Variants in BIRC3 observed in about 807,000 individuals in gnomAD.
The protein encoded by BIRC3 is baculoviral IAP repeat containing 3.
In BIRC3, 26 loss-of-function variants were observed where a neutral mutation model predicts 59.0. That is an observed-to-expected ratio of 0.44 (90% CI 0.32 to 0.61). The LOEUF (loss-of-function observed/expected upper bound fraction) is 0.61. BIRC3 is among the 20% of genes least tolerant of loss of function. The pLI is 0.04. For missense variants in BIRC3, 641 were observed against 711.5 expected (o/e 0.90, Z 1.13); for synonymous variants, 243 against 249.2 (o/e 0.98, Z 0.24).
rs967785981 is a variant in BIRC3 at position 102,337,673 on chromosome 11, A to G, written c.*571A>G. 6.5e-6 allele frequency: 2 copies of G among 305,526 alleles called. No homozygotes were observed. The highest frequency in any genetic ancestry group is 1.6e-4 in the South Asian group (1 of 6,132). The allele number at this position is 305,526 out of a possible 1,614,324, so 18.9% of individuals were successfully genotyped here. Reference sequence around the variant, plus strand: ...ATATGTTGAATGACATTTTAGGGACATGGTGTTTTTATAAAGAATTCTGTG... The same window carrying G: ...ATATGTTGAATGACATTTTAGGGACGTGGTGTTTTTATAAAGAATTCTGTG... On this transcript the variant is annotated 3_prime_UTR_variant, in exon 9 of 9. Transcript: ENST00000263464.
chr11:102,328,476 A>G (rs1190755143), intron 4 of BIRC3, among the ~76,000 whole-genome samples: 1 of 152,106 alleles, frequency 6.6e-6, no homozygotes, highest in Admixed American at 6.5e-5. Flanking sequence ...TAACCTTGAG[A>G]AAGCAAATAA....
At chr11:102,318,975 T>C (rs1951002357) in intron 1 of BIRC3, among the ~76,000 whole-genome samples, 1 of 152,118 alleles carries the variant, frequency 6.6e-6, no homozygotes, top group Admixed American at 6.6e-5. Context: ...CATGTCCAGT[T>C]TGCTTGGCTG....
chr11:102,335,333 C>A (rs1951184241), intron 6 of BIRC3, among the ~76,000 whole-genome samples: 1 of 152,170 alleles, frequency 6.6e-6, no homozygotes, highest in South Asian at 2.1e-4. Context: ...TGTCTTTCCC[C>A]AATTTGACTA....
At chr11:102,326,654 A>T (rs1272512784) in intron 3 of BIRC3, 2 of 450,134 alleles carry the variant, frequency 4.4e-6, no homozygotes, top group Non-Finnish European at 8.9e-6. Flanking sequence ...TCTAAATGGG[A>T]AATGGGTTAA....
chr11:102,332,169 C>T (rs571738736), intron 6 of BIRC3, among the ~76,000 whole-genome samples: 13 of 152,300 alleles, frequency 8.5e-5, no homozygotes, highest in South Asian at 2.1e-4. Context: ...TATTGCCCTT[C>T]ACAAAAACTC....
intron 6 of BIRC3, among the ~76,000 whole-genome samples, chr11:102,335,629 A>G (rs1951187514): frequency 6.6e-6 from 1 of 152,134 alleles, no homozygotes. Context: ...AGTCCTTACT[A>G]TAAGTAGCAT....
intron 3 of BIRC3, among the ~76,000 whole-genome samples, chr11:102,327,275 T>C (rs1951092995): frequency 6.6e-6 from 1 of 152,204 alleles, no homozygotes. Flanking sequence ...TTATACTCAC[T>C]TGAAATAGCC....
chr11:102,336,828 T>G, intron 8 of BIRC3, 27 bp downstream of exon 8: 1 of 1,593,724 alleles, frequency 6.3e-7, no homozygotes, highest in Non-Finnish European at 8.5e-7. Flanking sequence ...TTTAAATCAA[T>G]AGAGAACATT....
chr11:102,318,400 T>C lies in BIRC3; in HGVS notation c.-2674+829T>C, dbSNP rs552479561. Reference sequence around the variant, plus strand: ...ACTGAGCTGACTCTGTGGTCATTAATATAAAATTGATAGAAGTACTGTGGT... The same window carrying C: ...ACTGAGCTGACTCTGTGGTCATTAACATAAAATTGATAGAAGTACTGTGGT... On this transcript the variant is annotated intron_variant, in intron 1 of 8. Coordinates refer to ENST00000263464, the MANE Select transcript of BIRC3 (RefSeq NM_001165.5). 4.2e-4 allele frequency among the ~76,000 whole-genome samples: 64 copies of C among 152,338 alleles called. 1 individual carries two copies. The highest frequency in any genetic ancestry group is 3.5e-3 in the Admixed American group (54 of 15,304).
rs753770214 is a variant in BIRC3, at chr11:102,331,283, G to T, written c.1324+42G>T. The stretch of plus-strand genomic sequence containing the variant: ...ATACAGTCTATTTTCATAAGGATTT[G>T]ATATCAGTCTATATGTTATGAAAAA... On this transcript the variant is annotated intron_variant, in intron 6 of 8. Coordinates refer to ENST00000263464, the MANE Select transcript of BIRC3 (RefSeq NM_001165.5). 3.9e-6 allele frequency: 6 copies of T among 1,552,228 alleles called. No individual in the cohort carries two copies. In the Admixed American group the frequency reaches 5.9e-5, roughly 15 times the overall value.
intron 6 of BIRC3, among the ~76,000 whole-genome samples, chr11:102,332,230 T>C (rs1251396594): frequency 6.6e-6 from 1 of 152,242 alleles, no homozygotes; most frequent in African/African-American, 2.4e-5. Context: ...ATCATCATTC[T>C]GTCCTAGACA....
intron 1 of BIRC3, 102 bp from the exon 2 acceptor site, chr11:102,321,735 C>T (rs1289844822): frequency 1.8e-5 from 3 of 167,062 alleles, no homozygotes. Flanking sequence ...TCAGTAATTA[C>T]TAGTACTCTA....
Position 102,328,143 on chromosome 11 carries a change from C to T in BIRC3, c.1032+13C>T. On this transcript the variant is annotated intron_variant, in intron 4 of 8. Transcript: ENST00000263464. ...TCTACTTGAACAGGTAGGGCAAGTT[C>T]TTTTTTTAAATATTGGTTGCCATCA... 2 of 1,599,726 alleles carry T rather than the reference C, an allele frequency of 1.3e-6. No individual in the cohort carries two copies. The highest frequency in any genetic ancestry group is 1.7e-6 in the Non-Finnish European group (2 of 1,173,310).
intron 4 of BIRC3, 60 bp from the exon 5 acceptor site, chr11:102,328,837 A>T: frequency 3.0e-6 from 2 of 676,714 alleles, no homozygotes; most frequent in Non-Finnish European, 4.0e-6. Context: ...GCAATGGGTA[A>T]GATAAGATTT....
chr11:102,318,492 T>A (rs2135779926), intron 1 of BIRC3, among the ~76,000 whole-genome samples: 1 of 152,358 alleles, frequency 6.6e-6, no homozygotes, highest in African/African-American at 2.4e-5. Flanking sequence ...TACCAAGCTC[T>A]GCAGATGCTA....
At position 102,336,208 on chromosome 11, in the gene BIRC3, G is replaced by A. The variant is rs763335184; in HGVS notation, c.1567G>A (p.Glu523Lys). The A allele has an allele frequency of 4.4e-6, 7 of 1,596,538 alleles. No individual in the cohort carries two copies. In the South Asian group the frequency reaches 5.7e-5, roughly 13 times the overall value. The part of the protein sequence containing the change: ...SLQEAEAVLY[E>K]HLFVQQDIKY... Reference sequence around the variant, plus strand: ...GCAAGAAGCTGAAGCTGTGTTATATGAGCATTTATTTGGTGAGTGATAGAA... The same window carrying A: ...GCAAGAAGCTGAAGCTGTGTTATATAAGCATTTATTTGGTGAGTGATAGAA... Residue 523 changes from glutamate (E) to lysine (K), a missense_variant, in exon 7 of 9, where the codon GAG (glutamate) becomes AAG (lysine). Transcript: ENST00000263464.
intron 6 of BIRC3, among the ~76,000 whole-genome samples, chr11:102,335,626 A>G (rs1951187483): frequency 6.6e-6 from 1 of 152,148 alleles, no homozygotes; most frequent in African/African-American, 2.4e-5. Flanking sequence ...GTTAGTCCTT[A>G]CTATAAGTAG....
chr11:102,330,882 G>A (rs1565323873), intron 5 of BIRC3, 117 bp from the exon 6 acceptor site: 8 of 1,040,794 alleles, frequency 7.7e-6, no homozygotes, highest in Non-Finnish European at 1.1e-5. Flanking sequence ...TATACATTTT[G>A]TTGGTTTTAC....
chr11:102,330,618 C>G (rs17883072), intron 5 of BIRC3, among the ~76,000 whole-genome samples: 2,969 of 152,240 alleles, frequency 0.02, 49 homozygotes, highest in Non-Finnish European at 0.024. Context: ...ATTTTATAAC[C>G]ATAGCCTCTC....
Sources: gnomAD v4.1 joint callset for allele counts (sites outside exome capture counted in the v4.1 genomes callset) on GRCh38, gnomAD v4.1.1 for gene constraint, MANE v1.5 for transcripts, NCBI Gene and HGNC (gene_info 2026-07-23, HGNC 2026-07-21) for gene names.